LRRC4C: variants seen among roughly 807,000 people sequenced by gnomAD.
LRRC4C encodes leucine-rich repeat-containing protein 4C.
LRRC4C carries 5 observed loss-of-function variants against 33.6 expected under a neutral mutation model. That is an observed-to-expected ratio of 0.15 (90% CI 0.08 to 0.31). The LOEUF (loss-of-function observed/expected upper bound fraction) is 0.31, where lower values mean the gene tolerates loss of function less well. Ranked by LOEUF, LRRC4C falls within the 10% of genes least tolerant of loss-of-function variation. The pLI, the probability that LRRC4C is intolerant of heterozygous loss-of-function variation, is 1.00. For missense variants in LRRC4C, 560 were observed against 796.7 expected (o/e 0.70, Z 3.58); for synonymous variants, 329 against 302.0 (o/e 1.09, Z -0.93).
At chr11:40,744,268 G>A (rs1398395186) in intron 2 of LRRC4C, among the ~76,000 whole-genome samples, 1 of 152,128 alleles carries the variant, frequency 6.6e-6, no homozygotes, top group Non-Finnish European at 1.5e-5. Context: ...AGAGATGAGA[G>A]ACAAGTGTGG....
chr11:41,289,734 CTTG>C (rs1265770358), intron 1 of LRRC4C, among the ~76,000 whole-genome samples: 2 of 152,148 alleles, frequency 1.3e-5, no homozygotes, highest in Non-Finnish European at 2.9e-5. Context: ...GCCAACCAGT[CTTG>C]TTGTTATATC....
At chr11:40,791,161 T>C (rs1950608506) in intron 2 of LRRC4C, among the ~76,000 whole-genome samples, 1 of 152,186 alleles carries the variant, frequency 6.6e-6, no homozygotes, top group Non-Finnish European at 1.5e-5. Flanking sequence ...TCCTTGCTCA[T>C]GAATGTCCTG....
At chr11:40,564,303 T>G (rs1371554863) in intron 3 of LRRC4C, among the ~76,000 whole-genome samples, 1 of 152,164 alleles carries the variant, frequency 6.6e-6, no homozygotes, top group Admixed American at 6.5e-5. Flanking sequence ...AAAAAAGGAA[T>G]GAGCAAAAAG....
intron 1 of LRRC4C, among the ~76,000 whole-genome samples, chr11:41,179,611 G>T (rs919633587): frequency 2.6e-5 from 4 of 152,006 alleles, no homozygotes; most frequent in African/African-American, 9.7e-5. Context: ...CTTAGTCTTT[G>T]GTTCACTTAA....
chr11:40,377,012 T>A (rs1323678815), intron 3 of LRRC4C, among the ~76,000 whole-genome samples: 1 of 152,280 alleles, frequency 6.6e-6, no homozygotes, highest in African/African-American at 2.4e-5. Context: ...TATTGATTGA[T>A]AGATCTTATT....
At chr11:40,404,976 A>G (rs560290153) in intron 3 of LRRC4C, among the ~76,000 whole-genome samples, 2 of 152,136 alleles carry the variant, frequency 1.3e-5, no homozygotes, top group African/African-American at 4.8e-5. Context: ...CCACCCATTT[A>G]GCAAAAATTC....
chr11:41,086,594 A>G (rs1211400907), intron 1 of LRRC4C, among the ~76,000 whole-genome samples: 1 of 152,124 alleles, frequency 6.6e-6, no homozygotes, highest in African/African-American at 2.4e-5. Flanking sequence ...AAATTATGAT[A>G]AGAATAGCTA....
intron 3 of LRRC4C, among the ~76,000 whole-genome samples, chr11:40,331,656 A>G (rs894135832): frequency 1.3e-5 from 2 of 152,130 alleles, no homozygotes; most frequent in Non-Finnish European, 2.9e-5. Flanking sequence ...TAATATAACC[A>G]CAAGGTGGAG....
intron 3 of LRRC4C, among the ~76,000 whole-genome samples, chr11:40,598,572 G>A (rs1959619037): frequency 6.6e-6 from 1 of 152,142 alleles, no homozygotes. Flanking sequence ...CCAACTAGCA[G>A]GTGCAATGCT....
chr11:41,237,255 G>C (rs1948064370), intron 1 of LRRC4C, among the ~76,000 whole-genome samples: 1 of 152,116 alleles, frequency 6.6e-6, no homozygotes, highest in Non-Finnish European at 1.5e-5. Flanking sequence ...GACCACCAAA[G>C]GAAAAACAAA....
intron 4 of LRRC4C, among the ~76,000 whole-genome samples, chr11:40,304,784 T>C (rs990955029): frequency 3.3e-5 from 5 of 151,102 alleles, no homozygotes; most frequent in Non-Finnish European, 7.4e-5. Flanking sequence ...CAGGCTGGAG[T>C]GCAGTGGCGC....
At chr11:40,334,860 C>A (rs1946528490) in intron 3 of LRRC4C, among the ~76,000 whole-genome samples, 1 of 152,072 alleles carries the variant, frequency 6.6e-6, no homozygotes, top group Non-Finnish European at 1.5e-5. Flanking sequence ...AAAGCAGGAA[C>A]AAAACCATAT....
intron 3 of LRRC4C, among the ~76,000 whole-genome samples, chr11:40,509,992 G>A (rs1447562166): frequency 1.3e-5 from 2 of 151,994 alleles, no homozygotes; most frequent in Admixed American, 6.6e-5. Flanking sequence ...AGTGCTTACT[G>A]CACTTTAGGT....
chr11:41,133,146 A>G (rs945029554), intron 1 of LRRC4C, among the ~76,000 whole-genome samples: 2 of 152,158 alleles, frequency 1.3e-5, no homozygotes, highest in Non-Finnish European at 2.9e-5. Context: ...AGCAAAGACC[A>G]TAGCTTTTCA....
intron 2 of LRRC4C, among the ~76,000 whole-genome samples, chr11:40,875,207 A>G (rs1954827525): frequency 6.6e-6 from 1 of 152,192 alleles, no homozygotes; most frequent in African/African-American, 2.4e-5. Flanking sequence ...TTCTTTAAAA[A>G]TGTTTCTACT....
At position 40,683,137 on chromosome 11, in the gene LRRC4C, A is replaced by G. The variant is rs562200651; in HGVS notation, c.-406-34859T>C. On this transcript the variant is annotated intron_variant, in intron 2 of 6. Coordinates refer to ENST00000528697, the MANE Select transcript of LRRC4C (RefSeq NM_001258419.2). Reference sequence around the variant, plus strand: ...TCTCCACATTTTTTTGTCTCATGCTAGTTCTATGCGGGAAAGCAGCAAAGG... The same window carrying G: ...TCTCCACATTTTTTTGTCTCATGCTGGTTCTATGCGGGAAAGCAGCAAAGG... Among the ~76,000 whole-genome samples the G allele has an allele frequency of 8.5e-5, 13 of 152,268 alleles. 1 individual carries two copies. The East Asian group carries it at 1.9e-3, about 23-fold the overall frequency.
chr11:41,425,245 T>C (rs1955000024), intron 1 of LRRC4C, among the ~76,000 whole-genome samples: 2 of 152,202 alleles, frequency 1.3e-5, no homozygotes, highest in Middle Eastern at 3.4e-3. Context: ...CCAGAAAGAC[T>C]GATTTAGGCA....
intron 2 of LRRC4C, among the ~76,000 whole-genome samples, chr11:40,648,596 T>C (rs890966525): frequency 6.6e-6 from 1 of 152,212 alleles, no homozygotes; most frequent in Non-Finnish European, 1.5e-5. Context: ...TGTTACTTCA[T>C]GAGGTAAGAA....
chr11:40,414,096 CT>C (rs1321042485), intron 3 of LRRC4C, among the ~76,000 whole-genome samples: 1 of 151,680 alleles, frequency 6.6e-6, no homozygotes, highest in East Asian at 1.9e-4. Flanking sequence ...TGTGCCTATT[CT>C]TTTATGGCTA....
Sources: allele counts gnomAD v4.1 joint callset (sites outside exome capture counted in the v4.1 genomes callset), GRCh38; gene constraint gnomAD v4.1.1; transcripts MANE v1.5; gene names NCBI Gene and HGNC (gene_info 2026-07-23, HGNC 2026-07-21).